COL24A1: variants seen among roughly 807,000 people sequenced by gnomAD.
COL24A1 encodes collagen type XXIV alpha 1 chain.
COL24A1 carries 224 observed loss-of-function variants against 253.9 expected under a neutral mutation model. That is an observed-to-expected ratio of 0.88 (90% CI 0.79 to 0.99). COL24A1 has a LOEUF of 0.99. Among genes scored for constraint, COL24A1 ranks in the 50% least tolerant of loss-of-function variants. The pLI, the probability that COL24A1 is intolerant of heterozygous loss-of-function variation, is 0.00. For missense variants in COL24A1, 2,131 were observed against 2,068.5 expected (o/e 1.03, Z -0.59); for synonymous variants, 685 against 673.7 (o/e 1.02, Z -0.26).
intron 24 of COL24A1, among the ~76,000 whole-genome samples, chr1:85,913,303 T>C (rs1685550036): frequency 6.6e-6 from 1 of 152,158 alleles, no homozygotes; most frequent in Non-Finnish European, 1.5e-5. Context: ...TAGGTGACAA[T>C]ACTTTGCAGG....
At chr1:85,999,758 T>C (rs1301809138) in intron 19 of COL24A1, among the ~76,000 whole-genome samples, 1 of 152,184 alleles carries the variant, frequency 6.6e-6, no homozygotes. Flanking sequence ...ACAATGAGTA[T>C]AAAAGGATGA....
intron 12 of COL24A1, among the ~76,000 whole-genome samples, chr1:86,034,336 G>A (rs532369057): frequency 6.6e-6 from 1 of 152,186 alleles, no homozygotes; most frequent in East Asian, 1.9e-4. Context: ...CACTTGCCAT[G>A]TGCTAAAGGG....
intron 41 of COL24A1, 83 bp from the exon 42 acceptor site, chr1:85,841,361 A>C: frequency 1.1e-6 from 1 of 944,806 alleles, no homozygotes; most frequent in Non-Finnish European, 1.6e-6. Flanking sequence ...TTTTAAGTAT[A>C]TTAGAAAATG....
At position 85,909,955 on chromosome 1, in the gene COL24A1, C is replaced by A. The variant is rs370300888; in HGVS notation, c.2665G>T (p.Val889Phe). The change falls in exon 26 of 60, where the codon GTT becomes TTT. Residue 889 changes from valine to phenylalanine, a missense_variant. By Grantham distance (50) the Val-to-Phe change is conservative. Coordinates refer to ENST00000370571, the MANE Select transcript of COL24A1 (RefSeq NM_152890.7). ...GPLGPQGEKG[V>F]MGYPGPPGVP... ...TCAAATCACTGAGCTCTTACCATAA[C>A]ACCTTTTTCTCCCTGCGGACCTAGT... The A allele has an allele frequency of 6.2e-7, 1 of 1,609,582 alleles. No individual in the cohort carries two copies. The highest frequency in any genetic ancestry group is 8.5e-7 in the Non-Finnish European group (1 of 1,176,396).
chr1:85,803,066 C>A (rs1671599339), intron 47 of COL24A1, among the ~76,000 whole-genome samples: 1 of 152,166 alleles, frequency 6.6e-6, no homozygotes, highest in Non-Finnish European at 1.5e-5. Context: ...GCTTTCATTT[C>A]TCTTGGCTAG....
intron 19 of COL24A1, among the ~76,000 whole-genome samples, chr1:86,013,456 C>T (rs1427266382): frequency 1.3e-5 from 2 of 152,166 alleles, no homozygotes; most frequent in East Asian, 1.9e-4. Context: ...GTGGGAAGAT[C>T]GTATTCAAAT....
chr1:86,016,444 AT>A (rs756194727), intron 19 of COL24A1, among the ~76,000 whole-genome samples: 2 of 152,212 alleles, frequency 1.3e-5, no homozygotes, highest in Non-Finnish European at 2.9e-5. Context: ...TCTAAATTAA[AT>A]ATGTATGTAC....
chr1:85,912,480 G>C (rs1337230672), intron 24 of COL24A1, among the ~76,000 whole-genome samples: 2 of 152,092 alleles, frequency 1.3e-5, no homozygotes, highest in African/African-American at 4.8e-5. Context: ...ACCTTGTTTA[G>C]ATAGATTCTC....
At chr1:85,746,084 A>C (rs2100951971) in intron 55 of COL24A1, among the ~76,000 whole-genome samples, 1 of 152,300 alleles carries the variant, frequency 6.6e-6, no homozygotes, top group Admixed American at 6.5e-5. Flanking sequence ...AAGACTGAGC[A>C]CAACCATTAG....
chr1:85,841,120 A>C, intron 42 of COL24A1, 102 bp downstream of exon 42: 1 of 832,336 alleles, frequency 1.2e-6, no homozygotes. Flanking sequence ...TTATAAAACT[A>C]ACAAAAGAAA....
Position 85,868,527 on chromosome 1 carries a change from C to A in COL24A1, c.3292G>T (p.Gly1098Cys), listed in dbSNP as rs1243366877. 1 of 1,613,104 alleles carries A rather than the reference C, an allele frequency of 6.2e-7. No homozygotes were observed. Among genetic ancestry groups the A allele is most frequent in the Non-Finnish European group, 8.5e-7 (1 of 1,179,242 alleles). Reference sequence around the variant, plus strand: ...AACCCAGCAGTACTTACCGGAAGGCCTGTTTGGCCTGATCTACCCAAGGGT... The same window carrying A: ...AACCCAGCAGTACTTACCGGAAGGCATGTTTGGCCTGATCTACCCAAGGGT... ...IGPLGRSGQT[G>C]LPGPEGIVGI... The change falls in exon 37 of 60, where the codon GGC becomes TGC. Residue 1098 changes from glycine to cysteine, a missense_variant. Physicochemically the swap from Gly to Cys is radical, Grantham distance 159. Coordinates refer to ENST00000370571, the MANE Select transcript of COL24A1 (RefSeq NM_152890.7).
At chr1:85,808,431 C>T (rs1316209720) in intron 47 of COL24A1, among the ~76,000 whole-genome samples, 1 of 152,152 alleles carries the variant, frequency 6.6e-6, no homozygotes, top group African/African-American at 2.4e-5. Flanking sequence ...CAGCTACTGA[C>T]CTAGCAAAAA....
intron 28 of COL24A1, among the ~76,000 whole-genome samples, chr1:85,906,289 G>A (rs1230409232): frequency 2.9e-4 from 2 of 6,942 alleles, no homozygotes; most frequent in East Asian, 6.1e-3. Flanking sequence ...CCATGGTTAG[G>A]TAGAGGATAT....
chr1:86,088,464 T>G (rs1247070978), intron 7 of COL24A1, among the ~76,000 whole-genome samples: 3 of 152,170 alleles, frequency 2.0e-5, no homozygotes, highest in African/African-American at 7.2e-5. Context: ...ACTTAGTGTT[T>G]GGGAAAAAAC....
chr1:85,841,340 C>T (rs1178010748), intron 41 of COL24A1, 62 bp from the exon 42 acceptor site: 3 of 1,143,622 alleles, frequency 2.6e-6, no homozygotes, highest in African/African-American at 3.2e-5. Flanking sequence ...CAAAAACACA[C>T]AACCTACTAT....
At chr1:85,956,614 A>G (rs1375847927) in intron 24 of COL24A1, among the ~76,000 whole-genome samples, 1 of 152,246 alleles carries the variant, frequency 6.6e-6, no homozygotes, top group African/African-American at 2.4e-5. Context: ...ACTACTGGAC[A>G]ATCATCTGAA....
intron 32 of COL24A1, among the ~76,000 whole-genome samples, chr1:85,886,707 C>T (rs574635463): frequency 6.6e-6 from 1 of 151,932 alleles, no homozygotes; most frequent in Non-Finnish European, 1.5e-5. Flanking sequence ...AGACTACTTG[C>T]TTTTGTATTT....
intron 55 of COL24A1, among the ~76,000 whole-genome samples, chr1:85,747,497 C>T (rs1665368041): frequency 6.6e-6 from 1 of 151,932 alleles, no homozygotes; most frequent in Non-Finnish European, 1.5e-5. Context: ...TCAACAAACC[C>T]ATTATATGTT....
chr1:85,919,372 G>A (rs1160498473), intron 24 of COL24A1, among the ~76,000 whole-genome samples: 1 of 152,108 alleles, frequency 6.6e-6, no homozygotes, highest in Non-Finnish European at 1.5e-5. Flanking sequence ...AGAGATAGAT[G>A]GAGCCACAAG....
Sources: gnomAD v4.1 joint callset for allele counts (sites outside exome capture counted in the v4.1 genomes callset) on GRCh38, gnomAD v4.1.1 for gene constraint, MANE v1.5 for transcripts, NCBI Gene and HGNC (gene_info 2026-07-23, HGNC 2026-07-21) for gene names.